The following SPATA6L variants were observed in gnomAD, a reference collection of about 807,000 sequenced individuals.
SPATA6L encodes spermatogenesis associated 6 like.
SPATA6L carries 68 observed loss-of-function variants against 49.2 expected under a neutral mutation model. The observed-to-expected ratio is 1.38, with a 90% CI of 1.14 to 1.69. The LOEUF is 1.69. SPATA6L is among the 40% of genes most tolerant of loss of function. SPATA6L has a pLI of 0.00. For missense variants in SPATA6L, 668 were observed against 464.3 expected (o/e 1.44, Z -4.03); for synonymous variants, 198 against 165.7 (o/e 1.19, Z -1.50).
chr9:4,662,996 G>A lies in SPATA6L; in HGVS notation c.40-960C>T. The A allele has an allele frequency of 3.7e-6, 6 of 1,610,120 alleles. No individual in the cohort carries two copies. Among genetic ancestry groups the A allele is most frequent in the Non-Finnish European group, 5.1e-6 (6 of 1,178,812 alleles). On this transcript the variant is annotated intron_variant, in intron 1 of 11. Coordinates refer to ENST00000682582, the MANE Select transcript of SPATA6L (RefSeq NM_001353486.2). This position sits in a 1 kb window ranked among gnomAD's most constrained non-coding sequence, Gnocchi z 4.9. ...TGTTTGTCACTCTCTCGGTGGACAA[G>A]TACTCCTTCCCCTCGGGCCATGCCA...
At position 4,600,583 on chromosome 9, in the gene SPATA6L, C is replaced by G. The variant is rs1405966121; in HGVS notation, c.*228G>C. ...CATGTTCAAAACAAACATGCAAAAA[C>G]ACAAATTTTCCAGCTTGACAAGAAA... On this transcript the variant is annotated 3_prime_UTR_variant, in exon 12 of 12. Coordinates refer to ENST00000682582, the MANE Select transcript of SPATA6L (RefSeq NM_001353486.2). 2.6e-5 allele frequency: 4 copies of G among 151,828 alleles called. No individual in the cohort carries two copies. Among genetic ancestry groups the G allele is most frequent in the Non-Finnish European group, 5.9e-5 (4 of 67,986 alleles). 9.4% of individuals were successfully genotyped at this position (151,828 alleles called of 1,614,324 possible).
intron 2 of SPATA6L, among the ~76,000 whole-genome samples, chr9:4,661,216 G>A (rs924638081): frequency 2.0e-5 from 3 of 152,120 alleles, no homozygotes; most frequent in Admixed American, 6.5e-5. Flanking sequence ...ATTGTTTGGG[G>A]CAAAATCATT....
At chr9:4,653,936 C>T (rs911956604) in intron 3 of SPATA6L, among the ~76,000 whole-genome samples, 7 of 151,956 alleles carry the variant, frequency 4.6e-5, no homozygotes, top group African/African-American at 1.5e-4. Context: ...GACCCTGTCT[C>T]AAAATAAACC....
chr9:4,625,708 A>C (rs1830221737), intron 5 of SPATA6L, 142 bp from the exon 6 acceptor site: 1 of 543,430 alleles, frequency 1.8e-6, no homozygotes, highest in Non-Finnish European at 2.9e-6. Flanking sequence ...CATAAACTTA[A>C]GAAGGACATT....
chr9:4,664,999 A>G (rs547624542), intron 1 of SPATA6L: 7 of 167,250 alleles, frequency 4.2e-5, no homozygotes, highest in East Asian at 1.9e-4. Context: ...GAAGCAAATG[A>G]TATTTCCTCT....
chr9:4,618,179 G>C, intron 8 of SPATA6L, 69 bp from the exon 9 acceptor site: 2 of 1,400,950 alleles, frequency 1.4e-6, no homozygotes, highest in Non-Finnish European at 2.0e-6. Flanking sequence ...CTGGGGGTGG[G>C]GGTTGGACAA....
chr9:4,593,134 A>T (rs1272603149), intron 13 of SPATA6L, among the ~76,000 whole-genome samples: 1 of 152,218 alleles, frequency 6.6e-6, no homozygotes, highest in Non-Finnish European at 1.5e-5. Context: ...TGGGACTCAC[A>T]TGATTCCAAG....
At chr9:4,609,871 C>T (rs574197518) in intron 9 of SPATA6L, among the ~76,000 whole-genome samples, 8 of 152,122 alleles carry the variant, frequency 5.3e-5, no homozygotes, top group African/African-American at 1.4e-4. Flanking sequence ...TGTTTGCAGA[C>T]GACATGATTG....
chr9:4,623,805 A>G (rs1334657355), intron 6 of SPATA6L, among the ~76,000 whole-genome samples: 1 of 152,264 alleles, frequency 6.6e-6, no homozygotes, highest in Non-Finnish European at 1.5e-5. Context: ...ACAATAATTT[A>G]TATCAAATGA....
At chr9:4,666,188 A>G (rs377282868) in intron 1 of SPATA6L, 24 bp downstream of exon 1, 1 of 1,613,452 alleles carries the variant, frequency 6.2e-7, no homozygotes, top group Non-Finnish European at 8.5e-7. Context: ...GAGGTTAAGG[A>G]GGGGGAGTTC....
chr9:4,608,920 G>C (rs944970228), intron 9 of SPATA6L, among the ~76,000 whole-genome samples: 1 of 152,098 alleles, frequency 6.6e-6, no homozygotes, highest in African/African-American at 2.4e-5. Context: ...AAGAAAAAAA[G>C]AGAGAAGAAT....
At chr9:4,610,086 C>T (rs1162143376) in intron 9 of SPATA6L, among the ~76,000 whole-genome samples, 1 of 152,078 alleles carries the variant, frequency 6.6e-6, no homozygotes, top group Admixed American at 6.6e-5. Flanking sequence ...ATCCAACTTA[C>T]AAGGGATGTG....
At chr9:4,626,314 CT>C in intron 5 of SPATA6L, 1 of 1,174,432 alleles carries the variant, frequency 8.5e-7, no homozygotes, top group Non-Finnish European at 1.1e-6. Context: ...CCAGAGCCCC[CT>C]GTTCAGATTT....
At chr9:4,654,092 T>C (rs1438064055) in intron 3 of SPATA6L, among the ~76,000 whole-genome samples, 3 of 152,054 alleles carry the variant, frequency 2.0e-5, no homozygotes, top group Admixed American at 1.3e-4. Flanking sequence ...ATCAAAACAA[T>C]GACGAGATAC....
Position 4,666,201 on chromosome 9 carries a change from C to A in SPATA6L, c.39+11G>T. The A allele has an allele frequency of 6.2e-7, 1 of 1,614,074 alleles. No individual in the cohort carries two copies. Among genetic ancestry groups the A allele is most frequent in the East Asian group, 2.2e-5 (1 of 44,888 alleles). On this transcript the variant is annotated intron_variant, in intron 1 of 11. Coordinates refer to ENST00000682582, the MANE Select transcript of SPATA6L (RefSeq NM_001353486.2). ...TTGAGGTTAAGGAGGGGGAGTTCAT[C>A]GATCTCTTACCGCCCGGATCTGCAG...
At chr9:4,605,243 T>C in intron 10 of SPATA6L, 104 bp downstream of exon 10, 2 of 851,330 alleles carry the variant, frequency 2.3e-6, no homozygotes, top group South Asian at 1.6e-5. Context: ...TTTCCACTTA[T>C]TTCTGTGGTT....
At chr9:4,596,214 A>G (rs1822243898), downstream of SPATA6L, among the ~76,000 whole-genome samples, 1 of 151,996 alleles carries the variant, frequency 6.6e-6, no homozygotes, top group African/African-American at 2.4e-5. Flanking sequence ...ACCCCTCCCG[A>G]CCCCACAGGG....
chr9:4,633,229 A>G (rs10815041), intron 4 of SPATA6L: 35,480 of 156,930 alleles, frequency 0.23, 6,027 homozygotes, highest in African/African-American at 0.45. Context: ...AAAGCAGAGT[A>G]TCTTGACCCA....
intron 3 of SPATA6L, among the ~76,000 whole-genome samples, chr9:4,651,644 A>G (rs1587447917): frequency 6.6e-6 from 1 of 152,088 alleles, no homozygotes; most frequent in African/African-American, 2.4e-5. Flanking sequence ...CTTATATACC[A>G]TAAGGTTGGT....
Sources: allele counts gnomAD v4.1 joint callset (sites outside exome capture counted in the v4.1 genomes callset), GRCh38; gene constraint gnomAD v4.1.1; non-coding constraint Gnocchi (gnomAD v3.1); transcripts MANE v1.5; gene names NCBI Gene and HGNC (gene_info 2026-07-23, HGNC 2026-07-21).